Variants in TRABD2B observed in about 807,000 individuals in gnomAD.
TRABD2B encodes the protein TraB domain containing 2B, also known as metalloprotease TIKI2.
A neutral mutation model predicts 40.1 loss-of-function variants in TRABD2B; 14 were observed. That is an observed-to-expected ratio of 0.35 (90% CI 0.23 to 0.55). The LOEUF (loss-of-function observed/expected upper bound fraction) is 0.55. Among genes scored for constraint, TRABD2B ranks in the 20% least tolerant of loss-of-function variants. The probability of loss-of-function intolerance (pLI) is 0.90; values close to 1 mark genes in which losing one functional copy is unlikely to be tolerated. For missense variants in TRABD2B, 541 were observed against 648.6 expected (o/e 0.83, Z 1.80); for synonymous variants, 263 against 277.0 (o/e 0.95, Z 0.50).
At chr1:47,856,113 A>T (rs1426689148) in intron 2 of TRABD2B, among the ~76,000 whole-genome samples, 1 of 152,262 alleles carries the variant, frequency 6.6e-6, no homozygotes, top group African/African-American at 2.4e-5. Context: ...TTGGACTCAA[A>T]GAAAGGCCCC....
chr1:47,924,152 C>T (rs2124743492), intron 2 of TRABD2B, among the ~76,000 whole-genome samples: 1 of 152,200 alleles, frequency 6.6e-6, no homozygotes, highest in African/African-American at 2.4e-5. Flanking sequence ...ACGTGGGTGG[C>T]CTCCCCCATA....
chr1:47,784,605 A>T (rs929482908), intron 4 of TRABD2B, among the ~76,000 whole-genome samples: 1 of 152,244 alleles, frequency 6.6e-6, no homozygotes, highest in Non-Finnish European at 1.5e-5. Context: ...GGAAACTTTC[A>T]AATGCTAATC....
intron 2 of TRABD2B, among the ~76,000 whole-genome samples, chr1:47,986,911 G>A (rs1016543192): frequency 1.3e-5 from 2 of 152,174 alleles, no homozygotes; most frequent in African/African-American, 4.8e-5. Context: ...GGATTAAGTG[G>A]GCGGACAGAG....
intron 2 of TRABD2B, among the ~76,000 whole-genome samples, chr1:47,886,267 C>A (rs1001640256): frequency 2.0e-5 from 3 of 152,208 alleles, no homozygotes; most frequent in Non-Finnish European, 4.4e-5. Context: ...CCTCCAAGCT[C>A]TACTTGGTCT....
At chr1:47,816,950 G>A (rs961293437) in intron 2 of TRABD2B, among the ~76,000 whole-genome samples, 1 of 152,180 alleles carries the variant, frequency 6.6e-6, no homozygotes, top group African/African-American at 2.4e-5. Context: ...TTTTAGCCAT[G>A]TGCCAAACAG....
At chr1:47,953,810 TG>T (rs1238413197) in intron 2 of TRABD2B, among the ~76,000 whole-genome samples, 2 of 152,298 alleles carry the variant, frequency 1.3e-5, no homozygotes, top group East Asian at 3.9e-4. Context: ...TGGGGTTTGG[TG>T]GCTGAGTGGG....
chr1:47,893,458 C>T (rs1439202130), intron 2 of TRABD2B, among the ~76,000 whole-genome samples: 1 of 152,150 alleles, frequency 6.6e-6, no homozygotes, highest in Non-Finnish European at 1.5e-5. Context: ...ATAAGAGCCT[C>T]CCTGAATTCT....
intron 2 of TRABD2B, among the ~76,000 whole-genome samples, chr1:47,864,841 T>C (rs1360542465): frequency 6.6e-6 from 1 of 152,094 alleles, no homozygotes; most frequent in African/African-American, 2.4e-5. Flanking sequence ...TCTCTGTGCG[T>C]TGGGTGGACG....
chr1:47,846,114 T>A (rs772425175), intron 2 of TRABD2B, among the ~76,000 whole-genome samples: 2 of 152,212 alleles, frequency 1.3e-5, no homozygotes, highest in Non-Finnish European at 2.9e-5. Flanking sequence ...CAAAGACTGC[T>A]AGAGCTTCTC....
chr1:47,898,117 A>G (rs569001279), intron 2 of TRABD2B, among the ~76,000 whole-genome samples: 1 of 152,330 alleles, frequency 6.6e-6, no homozygotes, highest in South Asian at 2.1e-4. Flanking sequence ...AAGGAAGGGA[A>G]GAATCTAGGC....
At chr1:47,770,101 CCTT>C (rs1644359183) in intron 6 of TRABD2B, among the ~76,000 whole-genome samples, 1 of 152,176 alleles carries the variant, frequency 6.6e-6, no homozygotes, top group African/African-American at 2.4e-5. Context: ...GCATCCCAAG[CCTT>C]CTTGCCGGTA....
rs1345309485 is a variant in TRABD2B, at chr1:47,990,769, TTTTATATA to T, written c.666+3257_666+3264del. The stretch of plus-strand genomic sequence containing the variant: ...CAAGTTGTTGGTTTTAAAACGTTGG[TTTTATATA>T]TATATATATATATATATATATATAT... On this transcript the variant is annotated intron_variant, in intron 2 of 6. Coordinates refer to ENST00000606738, the MANE Select transcript of TRABD2B (RefSeq NM_001194986.2). 8.1e-4 allele frequency among the ~76,000 whole-genome samples: 52 copies of T among 64,280 alleles called. 11 individuals are homozygous for T. Among genetic ancestry groups the T allele is most frequent in the East Asian group, 1.4e-3 (3 of 2,134 alleles). 42.2% of individuals were successfully genotyped at this position (64,280 alleles called of 152,430 possible). A position where few individuals can be genotyped will look rare whatever the true frequency, so the allele number is the denominator to read the frequency against.
intron 4 of TRABD2B, 148 bp downstream of exon 4, chr1:47,794,438 G>T: frequency 1.2e-6 from 1 of 846,538 alleles, no homozygotes; most frequent in Non-Finnish European, 1.7e-6. Context: ...GAACTGCCTT[G>T]GATCTCGGTG....
intron 2 of TRABD2B, among the ~76,000 whole-genome samples, chr1:47,976,736 T>A (rs1354955850): frequency 6.6e-6 from 1 of 152,234 alleles, no homozygotes; most frequent in Admixed American, 6.5e-5. Flanking sequence ...TTCTTTTGCA[T>A]ACATGCTTGG....
chr1:47,836,280 G>A (rs1331352285), intron 2 of TRABD2B, among the ~76,000 whole-genome samples: 1 of 152,158 alleles, frequency 6.6e-6, no homozygotes, highest in Non-Finnish European at 1.5e-5. Flanking sequence ...ACAATCCAAG[G>A]TTTACCTATA....
chr1:47,835,250 A>G (rs4539174), intron 2 of TRABD2B, among the ~76,000 whole-genome samples: 47,485 of 151,990 alleles, frequency 0.31, 7,775 homozygotes, highest in Non-Finnish European at 0.37. Context: ...AGTCTGAGGA[A>G]CAAAAAGATA....
intron 2 of TRABD2B, among the ~76,000 whole-genome samples, chr1:47,967,336 AACACACACACACACACACAC>A (rs56776440): frequency 3.4e-5 from 5 of 147,276 alleles, no homozygotes; most frequent in African/African-American, 7.5e-5. Context: ...TAAGCAAGAA[AACACACACACACACACACAC>A]ACACACACAC....
At chr1:47,849,449 C>T (rs1415658692) in intron 2 of TRABD2B, among the ~76,000 whole-genome samples, 6 of 152,188 alleles carry the variant, frequency 3.9e-5, no homozygotes, top group Admixed American at 1.3e-4. Flanking sequence ...CCTGTTGCTT[C>T]GGCCACCCAG....
chr1:47,814,072 G>A (rs977131588), intron 2 of TRABD2B, among the ~76,000 whole-genome samples: 4 of 152,260 alleles, frequency 2.6e-5, no homozygotes. Flanking sequence ...TGGCTCTGCA[G>A]CAATCCCCTG....
Sources: gnomAD v4.1 joint callset for allele counts (sites outside exome capture counted in the v4.1 genomes callset) on GRCh38, gnomAD v4.1.1 for gene constraint, MANE v1.5 for transcripts, NCBI Gene and HGNC (gene_info 2026-07-23, HGNC 2026-07-21) for gene names.